The following RPS6KC1 variants were observed in gnomAD, a reference collection of about 807,000 sequenced individuals.
RPS6KC1 encodes the protein inactive ribosomal protein S6 kinase delta-1.
In RPS6KC1, 54 loss-of-function variants were observed where a neutral mutation model predicts 103.8. The ratio of observed to expected loss-of-function variants is 0.52; its 90% CI spans 0.42 to 0.65. The LOEUF (loss-of-function observed/expected upper bound fraction) is 0.65, where lower values mean the gene tolerates loss of function less well. RPS6KC1 is among the 30% of genes least tolerant of loss of function. The pLI is 0.00. For missense variants in RPS6KC1, 1,151 were observed against 1,253.8 expected (o/e 0.92, Z 1.24); for synonymous variants, 439 against 438.7 (o/e 1.00, Z -0.01).
the RPS6KC1 span, among the ~76,000 whole-genome samples, chr1:213,647,237 A>T: frequency 6.6e-6 from 1 of 152,066 alleles, no homozygotes; most frequent in Admixed American, 6.6e-5. Context: ...TTGAATCATG[A>T]TTTGAAGGAG....
chr1:213,434,778 G>A, the RPS6KC1 span, among the ~76,000 whole-genome samples: 1 of 124,408 alleles, frequency 8.0e-6, no homozygotes, highest in Admixed American at 9.2e-5. Context: ...CTATATAACT[G>A]ACTGTTTTTT....
intron 5 of RPS6KC1, among the ~76,000 whole-genome samples, chr1:213,126,672 A>G (rs2085026135): frequency 6.6e-6 from 1 of 152,176 alleles, no homozygotes; most frequent in Non-Finnish European, 1.5e-5. Flanking sequence ...TGCATTTTTA[A>G]ATAGTTAAAA....
chr1:213,439,267 T>C, the RPS6KC1 span, among the ~76,000 whole-genome samples: 1 of 152,144 alleles, frequency 6.6e-6, no homozygotes, highest in African/African-American at 2.4e-5. Context: ...TCAATGTGTG[T>C]TTCTCATTTC....
At chr1:213,118,038 A>AAAAAAAAAAAAAAAAAAAC (rs1558354181) in intron 5 of RPS6KC1, among the ~76,000 whole-genome samples, 1 of 149,158 alleles carries the variant, frequency 6.7e-6, no homozygotes. Context: ...AAAAAAAAAA[A>AAAAAAAAAAAAAAAAAAAC]AGCCTTACTC....
chr1:213,271,900 A>C (rs1558671847), intron 14 of RPS6KC1, among the ~76,000 whole-genome samples: 1 of 152,166 alleles, frequency 6.6e-6, no homozygotes, highest in Non-Finnish European at 1.5e-5. Context: ...TAAAGTTGTT[A>C]ACACAAAAAT....
intron 4 of RPS6KC1, among the ~76,000 whole-genome samples, chr1:213,104,945 G>A (rs1572551037): frequency 6.6e-6 from 1 of 151,736 alleles, no homozygotes; most frequent in South Asian, 2.1e-4. Context: ...AACTCACTCT[G>A]TCATAATTGA....
chr1:213,071,194 A>G (rs997989978), intron 2 of RPS6KC1, among the ~76,000 whole-genome samples, 153 bp downstream of exon 2: 2 of 152,154 alleles, frequency 1.3e-5, no homozygotes, highest in Admixed American at 6.5e-5. Flanking sequence ...CAGTGGCGCA[A>G]TCTCGGCTCA....
chr1:213,504,335 A>AT, the RPS6KC1 span, among the ~76,000 whole-genome samples: 529 of 151,910 alleles, frequency 3.5e-3, 2 homozygotes, highest in South Asian at 9.8e-3. Flanking sequence ...TATCCTTACA[A>AT]TTTTTTTTAA....
At chr1:213,850,367 T>C in the RPS6KC1 span, among the ~76,000 whole-genome samples, 1 of 152,262 alleles carries the variant, frequency 6.6e-6, no homozygotes, top group South Asian at 2.1e-4. Flanking sequence ...CTGTGTGTTT[T>C]ACTGTGAAAA....
At chr1:213,491,821 G>A in the RPS6KC1 span, among the ~76,000 whole-genome samples, 45 of 152,156 alleles carry the variant, frequency 3.0e-4, no homozygotes, top group Non-Finnish European at 2.5e-4. Context: ...AGTCCCCAGC[G>A]CATCCAGTGG....
chr1:213,160,539 A>G (rs777364285), intron 6 of RPS6KC1, among the ~76,000 whole-genome samples: 2 of 152,170 alleles, frequency 1.3e-5, no homozygotes, highest in Admixed American at 6.5e-5. Flanking sequence ...TTATGTAACT[A>G]TTGTTTAAGT....
the RPS6KC1 span, among the ~76,000 whole-genome samples, chr1:213,685,338 A>G: frequency 6.6e-6 from 1 of 152,202 alleles, no homozygotes; most frequent in Non-Finnish European, 1.5e-5. Flanking sequence ...AATCTGTAAG[A>G]TAAGACTTTA....
the RPS6KC1 span, among the ~76,000 whole-genome samples, chr1:213,411,982 C>T: frequency 6.6e-6 from 1 of 152,176 alleles, no homozygotes; most frequent in African/African-American, 2.4e-5. Flanking sequence ...GGCCTCCCTG[C>T]ATATTTTGTG....
the RPS6KC1 span, among the ~76,000 whole-genome samples, chr1:213,660,365 C>T: frequency 6.6e-6 from 1 of 152,214 alleles, no homozygotes; most frequent in Non-Finnish European, 1.5e-5. Flanking sequence ...ACTCTACCCT[C>T]CTCATTGGAA....
At chr1:213,307,455 C>G in the RPS6KC1 span, among the ~76,000 whole-genome samples, 7 of 152,158 alleles carry the variant, frequency 4.6e-5, no homozygotes, top group Admixed American at 3.9e-4. Flanking sequence ...TAAGGACGTA[C>G]CATCTCCCTT....
At chr1:213,177,621 A>T (rs2091958147) in intron 8 of RPS6KC1, among the ~76,000 whole-genome samples, 1 of 151,936 alleles carries the variant, frequency 6.6e-6, no homozygotes, top group African/African-American at 2.4e-5. Flanking sequence ...AAGTAGTAGG[A>T]TTTTTCTTTT....
intron 6 of RPS6KC1, among the ~76,000 whole-genome samples, chr1:213,167,237 G>C (rs1002438340): frequency 6.6e-6 from 1 of 152,092 alleles, no homozygotes; most frequent in African/African-American, 2.4e-5. Flanking sequence ...TGAGGGGAAG[G>C]GGTAGAAGAG....
chr1:213,462,009 G>T, the RPS6KC1 span, among the ~76,000 whole-genome samples: 2 of 152,128 alleles, frequency 1.3e-5, no homozygotes, highest in Non-Finnish European at 2.9e-5. Flanking sequence ...GAAAAATTTT[G>T]CAATCTATCC....
At chr1:213,825,961 C>A in the RPS6KC1 span, among the ~76,000 whole-genome samples, 2 of 152,094 alleles carry the variant, frequency 1.3e-5, no homozygotes, top group Non-Finnish European at 2.9e-5. Context: ...CGGGAAGGGG[C>A]TAATTGTATA....
Sources: allele counts gnomAD v4.1 joint callset (sites outside exome capture counted in the v4.1 genomes callset), GRCh38; gene constraint gnomAD v4.1.1; transcripts MANE v1.5; gene names NCBI Gene and HGNC (gene_info 2026-07-23, HGNC 2026-07-21).